SATB2: variants seen among roughly 807,000 people sequenced by gnomAD.
SATB2 encodes the protein DNA-binding protein SATB2.
In SATB2, 1 loss-of-function variant was observed where a neutral mutation model predicts 73.4. The ratio of observed to expected loss-of-function variants is 0.01; its 90% confidence interval spans 0.00 to 0.06. The LOEUF is 0.06. Ranked by LOEUF, SATB2 falls within the 10% of genes least tolerant of loss-of-function variation. The pLI is 1.00. For missense variants in SATB2, 459 were observed against 945.8 expected, an observed-to-expected ratio of 0.49 and a Z score of 6.75; for synonymous variants, 397 against 367.0, an observed-to-expected ratio of 1.08 and a Z score of -0.93.
chr2:199,417,155 CTT>C (rs912378326), intron 3 of SATB2, among the ~76,000 whole-genome samples: 1 of 146,046 alleles, frequency 6.8e-6, no homozygotes. Context: ...TCACCATTTA[CTT>C]TTTTTTTTTA....
upstream of SATB2, among the ~76,000 whole-genome samples, chr2:199,469,195 T>C (rs1574656151): frequency 6.6e-6 from 1 of 151,912 alleles, no homozygotes; most frequent in African/African-American, 2.4e-5. Flanking sequence ...GGCAGGAAGG[T>C]TAATCATTTT....
At chr2:199,406,764 T>C (rs1237516833) in intron 3 of SATB2, among the ~76,000 whole-genome samples, 2 of 151,860 alleles carry the variant, frequency 1.3e-5, no homozygotes, top group Middle Eastern at 3.4e-3. Flanking sequence ...GAAATGACAC[T>C]GAAAAGCTGA....
intron 2 of SATB2, among the ~76,000 whole-genome samples, chr2:199,437,920 T>G (rs540032788): frequency 6.6e-6 from 1 of 152,144 alleles, no homozygotes; most frequent in South Asian, 2.1e-4. Flanking sequence ...AAATGACAAC[T>G]GGCTTAAAGT....
intron 10 of SATB2, among the ~76,000 whole-genome samples, chr2:199,286,483 C>T (rs1484729871): frequency 1.3e-5 from 2 of 152,138 alleles, no homozygotes; most frequent in Non-Finnish European, 2.9e-5. Flanking sequence ...CAAAACCATT[C>T]CACAAAAACA....
intron 6 of SATB2, among the ~76,000 whole-genome samples, chr2:199,359,054 CAT>C (rs1689066018): frequency 6.6e-6 from 1 of 152,054 alleles, no homozygotes; most frequent in African/African-American, 2.4e-5. Flanking sequence ...GAATTCAGCA[CAT>C]GATAGTAAAA....
intron 2 of SATB2, among the ~76,000 whole-genome samples, chr2:199,454,204 G>A (rs757559828): frequency 1.3e-5 from 2 of 152,004 alleles, no homozygotes; most frequent in East Asian, 1.9e-4. Context: ...AGGGAAGCAC[G>A]TTGTTAACAA....
intron 3 of SATB2, among the ~76,000 whole-genome samples, chr2:199,408,769 T>G (rs996643980): frequency 6.6e-6 from 1 of 151,964 alleles, no homozygotes; most frequent in African/African-American, 2.4e-5. Flanking sequence ...CAATATACTT[T>G]CAAGATGATT....
At chr2:199,433,822 G>A (rs1166257742) in intron 2 of SATB2, among the ~76,000 whole-genome samples, 1 of 152,036 alleles carries the variant, frequency 6.6e-6, no homozygotes, top group Non-Finnish European at 1.5e-5. Context: ...AATGTCTATA[G>A]TTTTATCATT....
At chr2:199,462,383 C>T (rs977828883), upstream of SATB2, among the ~76,000 whole-genome samples, 1 of 152,190 alleles carries the variant, frequency 6.6e-6, no homozygotes. The surrounding 1 kb of genome is among the most constrained non-coding windows in gnomAD (Gnocchi z 5.9). Context: ...ACGGCATAAC[C>T]GCGAGGGGCT....
Position 199,349,015 on chromosome 2 carries a change from G to T in SATB2, c.859C>A (p.Pro287Thr). 1 of 1,614,138 alleles carries T rather than the reference G, an allele frequency of 6.2e-7. No homozygotes were observed. Among genetic ancestry groups the T allele is most frequent in the Non-Finnish European group, 8.5e-7 (1 of 1,179,998 alleles). The change falls in exon 7 of 11, where the codon CCC becomes ACC. Residue 287 changes from proline (P) to threonine (T), a missense_variant. By Grantham distance (38) the Pro-to-Thr change is conservative. Around this residue, in one of 13 missense-constraint regions of SATB2, gnomAD observed 77 missense variants for 90.4 expected, o/e 0.85. Coordinates refer to ENST00000417098, the MANE Select transcript of SATB2 (RefSeq NM_001172509.2). Reference protein sequence around the residue: ...HHSTPIRNQVPALQPIMSPGL... With the variant: ...HHSTPIRNQVTALQPIMSPGL... ...GGGCTCATGATGGGCTGTAATGCGGGCACTTGGTTTCGGATTGGAGTACTG... is the reference window on the plus strand; with the variant it reads ...GGGCTCATGATGGGCTGTAATGCGGTCACTTGGTTTCGGATTGGAGTACTG...
intron 10 of SATB2, among the ~76,000 whole-genome samples, chr2:199,273,341 G>GCT (rs1400283021): frequency 6.6e-6 from 1 of 152,122 alleles, no homozygotes. Context: ...AATGAACATG[G>GCT]CTATGTTCCA....
chr2:199,289,215 ACT>A (rs1178578126), intron 10 of SATB2, among the ~76,000 whole-genome samples: 1 of 151,916 alleles, frequency 6.6e-6, no homozygotes, highest in Non-Finnish European at 1.5e-5. Flanking sequence ...GTATGGACAG[ACT>A]TTTGCTTCTC....
chr2:199,426,067 A>G lies in SATB2; in HGVS notation c.346+7271T>C, dbSNP rs568608758. ...TCAGCTCTCTTTAGAGAGCCACAGA[A>G]TTTTTTAAAAAGCAGCGTGTCTGTT... On this transcript the variant is annotated intron_variant, in intron 3 of 10. Coordinates refer to ENST00000417098, the MANE Select transcript of SATB2 (RefSeq NM_001172509.2). Among the ~76,000 whole-genome samples, 4 of 152,250 alleles carry G rather than the reference A, an allele frequency of 2.6e-5. 1 individual carries two copies. In the South Asian group the frequency reaches 8.3e-4, roughly 32 times the overall value.
At chr2:199,282,916 C>A (rs1015414040) in intron 10 of SATB2, among the ~76,000 whole-genome samples, 21 of 152,178 alleles carry the variant, frequency 1.4e-4, no homozygotes, top group Non-Finnish European at 2.4e-4. Flanking sequence ...AATTGAGCCT[C>A]AAGTTACAGT....
chr2:199,285,733 AAGAG>A (rs1285953403), intron 10 of SATB2, among the ~76,000 whole-genome samples: 21 of 151,850 alleles, frequency 1.4e-4, no homozygotes, highest in Non-Finnish European at 2.2e-4. Context: ...TAAAAAAAAA[AAGAG>A]AGAGAGAGAG....
At chr2:199,349,372 A>G (rs1214536723) in intron 6 of SATB2, among the ~76,000 whole-genome samples, 199 bp from the exon 7 acceptor site, 2 of 152,198 alleles carry the variant, frequency 1.3e-5, no homozygotes, top group African/African-American at 4.8e-5. Flanking sequence ...GAACATATGA[A>G]AGAAAGTAAA....
intron 3 of SATB2, among the ~76,000 whole-genome samples, chr2:199,395,289 T>G (rs1690265471): frequency 6.6e-6 from 1 of 152,206 alleles, no homozygotes; most frequent in South Asian, 2.1e-4. Flanking sequence ...GGTATTATTA[T>G]GTTGCTACAC....
chr2:199,412,721 TA>T (rs775188271), intron 3 of SATB2, among the ~76,000 whole-genome samples: 20 of 145,076 alleles, frequency 1.4e-4, no homozygotes, highest in East Asian at 8.0e-4. Context: ...GGAAATCAGG[TA>T]AAAAAAAAAC....
intron 3 of SATB2, among the ~76,000 whole-genome samples, chr2:199,407,820 G>T (rs1690681548): frequency 6.6e-6 from 1 of 152,186 alleles, no homozygotes; most frequent in African/African-American, 2.4e-5. Flanking sequence ...ACATCCCAGG[G>T]TATGGGAGGA....
Sources: gnomAD v4.1 joint callset for allele counts (sites outside exome capture counted in the v4.1 genomes callset) on GRCh38, gnomAD v4.1.1 for gene constraint, gnomAD v4.1.1 regional missense constraint, Gnocchi (gnomAD v3.1) non-coding constraint, MANE v1.5 for transcripts, NCBI Gene and HGNC (gene_info 2026-07-23, HGNC 2026-07-21) for gene names.